C1QTNF7: variants seen among roughly 807,000 people sequenced by gnomAD.
C1QTNF7 encodes C1q and TNF related 7, also known as complement C1q tumor necrosis factor-related protein 7.
In C1QTNF7, 15 loss-of-function variants were observed where a neutral mutation model predicts 19.6. That is an observed-to-expected ratio of 0.76 (90% CI 0.51 to 1.18). The LOEUF (loss-of-function observed/expected upper bound fraction) is 1.18, where lower values mean the gene tolerates loss of function less well. Ranked by LOEUF, C1QTNF7 falls within the 50% of genes most tolerant of loss-of-function variation. C1QTNF7 has a pLI of 0.00. For missense variants in C1QTNF7, 324 were observed against 359.7 expected (o/e 0.90, Z 0.80); for synonymous variants, 142 against 137.5 (o/e 1.03, Z -0.23).
intron 1 of C1QTNF7, among the ~76,000 whole-genome samples, chr4:15,430,186 T>A (rs1234705889): frequency 6.6e-6 from 1 of 152,348 alleles, no homozygotes; most frequent in South Asian, 2.1e-4. Context: ...TTAAATTTTT[T>A]AAATGTGTTT....
At chr4:15,403,950 T>C (rs574288942) in intron 1 of C1QTNF7, among the ~76,000 whole-genome samples, 4 of 152,204 alleles carry the variant, frequency 2.6e-5, no homozygotes, top group African/African-American at 4.8e-5. Context: ...CTACTATCGA[T>C]ATATTTTAGT....
chr4:15,407,306 C>A (rs1458623383), intron 1 of C1QTNF7, among the ~76,000 whole-genome samples: 1 of 152,174 alleles, frequency 6.6e-6, no homozygotes, highest in Non-Finnish European at 1.5e-5. Context: ...GTGCCAAATT[C>A]ACTTCATCCA....
intron 1 of C1QTNF7, among the ~76,000 whole-genome samples, chr4:15,390,148 T>G (rs978624507): frequency 3.3e-5 from 5 of 152,138 alleles, no homozygotes; most frequent in African/African-American, 1.2e-4. Flanking sequence ...GGGATTCGGA[T>G]TATGCAGATG....
chr4:15,410,909 A>G (rs764335527), intron 1 of C1QTNF7, among the ~76,000 whole-genome samples: 10 of 152,218 alleles, frequency 6.6e-5, no homozygotes, highest in Non-Finnish European at 1.0e-4. Context: ...CTGCTACAAT[A>G]TCAACATCAA....
intron 1 of C1QTNF7, among the ~76,000 whole-genome samples, chr4:15,410,755 C>G (rs1719375051): frequency 6.6e-6 from 1 of 152,114 alleles, no homozygotes; most frequent in Non-Finnish European, 1.5e-5. Flanking sequence ...GAAAAATCAC[C>G]AGGATTTCAC....
At chr4:15,397,479 A>G (rs1718828950) in intron 1 of C1QTNF7, among the ~76,000 whole-genome samples, 1 of 152,174 alleles carries the variant, frequency 6.6e-6, no homozygotes. Flanking sequence ...TTCCTCTAAA[A>G]TATGCTTTGT....
At chr4:15,422,971 G>A (rs1711850975) in intron 1 of C1QTNF7, among the ~76,000 whole-genome samples, 1 of 152,050 alleles carries the variant, frequency 6.6e-6, no homozygotes, top group South Asian at 2.1e-4. Flanking sequence ...TTTTGGACAA[G>A]GTAAAGTATT....
At chr4:15,387,003 C>A (rs4640665) in intron 1 of C1QTNF7, among the ~76,000 whole-genome samples, 72,967 of 151,862 alleles carry the variant, frequency 0.48, 19,154 homozygotes, top group African/African-American at 0.69. Flanking sequence ...AACCAGATAG[C>A]GACTGTTTCA....
rs199592000 is a variant in C1QTNF7 at position 15,422,210 on chromosome 4, TAAA to T, written c.14-13514_14-13512del. Among the ~76,000 whole-genome samples the T allele has an allele frequency of 9.4e-3, 1,340 of 142,870 alleles. 7 individuals are homozygous for T. Among genetic ancestry groups the T allele is most frequent in the East Asian group, 0.015 (73 of 5,032 alleles). The allele number at this position is 142,870 out of a possible 152,430, so 93.7% of individuals were successfully genotyped here. On this transcript the variant is annotated intron_variant, in intron 1 of 2. Coordinates refer to the C1QTNF7 transcript ENST00000295297. ...ATAATCTAATAAACCTGTTTTTTTT[TAAA>T]AAAAAAAAAAAGGATATTGCACAGA...
chr4:15,404,076 G>C (rs1322136274), intron 1 of C1QTNF7, among the ~76,000 whole-genome samples: 2 of 151,974 alleles, frequency 1.3e-5, no homozygotes, highest in Non-Finnish European at 2.9e-5. Flanking sequence ...TAGTCAAATG[G>C]ATTCACCTTA....
intron 1 of C1QTNF7, among the ~76,000 whole-genome samples, chr4:15,387,842 A>G (rs530758279): frequency 7.2e-5 from 11 of 152,342 alleles, no homozygotes; most frequent in South Asian, 4.1e-4. Flanking sequence ...CTATATCTGT[A>G]TATATTACAT....
At position 15,435,791 on chromosome 4, in the gene C1QTNF7, A is replaced by G. The variant is rs1712507209; in HGVS notation, c.48A>G (p.Gly16=). Residue 16 remains glycine, a synonymous_variant, in exon 2 of 3, where the codon GGA becomes GGG. Transcript: ENST00000444304. ...YVTSFAICAS[G]QPRGNQLKGE... is the part of the protein sequence containing the mutation. ...CAAGTTTTGCCATTTGTGCCAGTGGACAACCCCGGGGTAATCAGTTGAAAG... is the reference window on the plus strand; with the variant it reads ...CAAGTTTTGCCATTTGTGCCAGTGGGCAACCCCGGGGTAATCAGTTGAAAG... The G allele has an allele frequency of 6.2e-7, 1 of 1,614,136 alleles. No homozygotes were observed. Among genetic ancestry groups the G allele is most frequent in the Non-Finnish European group, 8.5e-7 (1 of 1,180,016 alleles).
At chr4:15,440,555 G>A (rs1200474062) in intron 2 of C1QTNF7, among the ~76,000 whole-genome samples, 1 of 151,834 alleles carries the variant, frequency 6.6e-6, no homozygotes, top group Non-Finnish European at 1.5e-5. Flanking sequence ...CTACAGGCGC[G>A]CACCACCACG....
intron 2 of C1QTNF7, among the ~76,000 whole-genome samples, chr4:15,439,918 G>A (rs1712682033): frequency 6.6e-6 from 1 of 150,930 alleles, no homozygotes; most frequent in African/African-American, 2.4e-5. Context: ...ATAAATCAAT[G>A]TCTTATATAT....
At chr4:15,357,056 C>T (rs1410106491) in intron 1 of C1QTNF7, among the ~76,000 whole-genome samples, 1 of 151,030 alleles carries the variant, frequency 6.6e-6, no homozygotes, top group Non-Finnish European at 1.5e-5. Flanking sequence ...TGCCTGTTCA[C>T]TCTGATGATA....
chr4:15,347,177 G>C (rs1411938920), intron 1 of C1QTNF7, among the ~76,000 whole-genome samples: 1 of 152,194 alleles, frequency 6.6e-6, no homozygotes, highest in East Asian at 1.9e-4. Flanking sequence ...TTGGGGCTGA[G>C]ATGGAATGGT....
chr4:15,387,571 G>A (rs1718386567), intron 1 of C1QTNF7, among the ~76,000 whole-genome samples: 1 of 152,182 alleles, frequency 6.6e-6, no homozygotes, highest in South Asian at 2.1e-4. Context: ...AAGAAAGAGG[G>A]AGAAGCAAGG....
Position 15,429,142 on chromosome 4 carries a change from C to T in C1QTNF7, c.-9+1036C>T, listed in dbSNP as rs535899526. Among the ~76,000 whole-genome samples, 13 of 152,260 alleles carry T rather than the reference C, an allele frequency of 8.5e-5. No homozygotes were observed. In the South Asian group the frequency reaches 2.7e-3, roughly 32 times the overall value. ...GTGTGAGGATAAAGTAAAAGATGTCCTTAAAACACCTGGCACAGAAATAAG... is the reference window on the plus strand; with the variant it reads ...GTGTGAGGATAAAGTAAAAGATGTCTTTAAAACACCTGGCACAGAAATAAG... On this transcript the variant is annotated intron_variant, in intron 1 of 2. Transcript: ENST00000444304.
chr4:15,360,981 T>C (rs1461207386), intron 1 of C1QTNF7, among the ~76,000 whole-genome samples: 1 of 152,176 alleles, frequency 6.6e-6, no homozygotes, highest in Non-Finnish European at 1.5e-5. Flanking sequence ...CTCTGTACAA[T>C]TGATTGAATT....
Sources: gnomAD v4.1 joint callset for allele counts (sites outside exome capture counted in the v4.1 genomes callset) on GRCh38, gnomAD v4.1.1 for gene constraint, MANE v1.5 for transcripts, NCBI Gene and HGNC (gene_info 2026-07-23, HGNC 2026-07-21) for gene names.